Variants in LRP1B observed in about 807,000 individuals in gnomAD.
LRP1B encodes low-density lipoprotein receptor-related protein 1B.
In LRP1B, 217 loss-of-function variants were observed where a neutral mutation model predicts 556.6. That is an observed-to-expected ratio of 0.39 (90% CI 0.35 to 0.44). LRP1B has a LOEUF of 0.44. LRP1B is among the 20% of genes least tolerant of loss of function. The probability of loss-of-function intolerance (pLI) is 1.00; values close to 1 mark genes in which losing one functional copy is unlikely to be tolerated. For missense variants in LRP1B, 5,053 were observed against 5,620.8 expected (o/e 0.90, Z 3.23); for synonymous variants, 2,047 against 1,865.8 (o/e 1.10, Z -2.50).
intron 1 of LRP1B, among the ~76,000 whole-genome samples, chr2:141,951,883 G>A (rs1016014952): frequency 2.0e-5 from 3 of 151,962 alleles, no homozygotes; most frequent in Admixed American, 2.0e-4. Context: ...TAGGGTACAT[G>A]TGTACAACGT....
At chr2:141,115,474 T>TTTTTGA (rs1574088122) in intron 7 of LRP1B, among the ~76,000 whole-genome samples, 1 of 149,690 alleles carries the variant, frequency 6.7e-6, no homozygotes, top group Non-Finnish European at 1.5e-5. Flanking sequence ...TTTTTTTTTT[T>TTTTTGA]GAGATGGATT....
chr2:140,506,803 C>T lies in LRP1B; in HGVS notation c.8514G>A (p.Pro2838=), dbSNP rs139084384. The part of the protein sequence containing the change: ...DDCGDGSDES[P]QCGYRQCGTE... ...AGTTTTAGATGTACTTACCACACTG[C>T]GGTGACTCATCAGAGCCATCTCCAC... The change falls in exon 53 of 91, where the codon CCG becomes CCA. Residue 2838 remains proline, a synonymous_variant. Transcript: ENST00000389484. 8.3e-4 allele frequency: 1,345 copies of T among 1,612,788 alleles called. 8 individuals are homozygous for T. In the African/African-American group the frequency reaches 0.016, roughly 20 times the overall value.
intron 6 of LRP1B, among the ~76,000 whole-genome samples, chr2:141,221,277 G>A (rs942223768): frequency 1.3e-4 from 12 of 93,066 alleles, no homozygotes; most frequent in Admixed American, 4.4e-4. Flanking sequence ...AGCAGACTAA[G>A]CCAACAAAGA....
At chr2:140,733,633 C>T (rs1687849962) in intron 35 of LRP1B, among the ~76,000 whole-genome samples, 1 of 151,974 alleles carries the variant, frequency 6.6e-6, no homozygotes, top group Non-Finnish European at 1.5e-5. Flanking sequence ...TCATGTAATT[C>T]CATTTATATA....
chr2:140,583,593 T>C (rs997686866), intron 43 of LRP1B, among the ~76,000 whole-genome samples: 2 of 152,130 alleles, frequency 1.3e-5, no homozygotes, highest in African/African-American at 4.8e-5. Context: ...AATTATGCAA[T>C]AATTAAGGTC....
At chr2:141,098,598 C>A (rs1422860483) in intron 7 of LRP1B, among the ~76,000 whole-genome samples, 3 of 152,120 alleles carry the variant, frequency 2.0e-5, no homozygotes, top group Non-Finnish European at 4.4e-5. Flanking sequence ...GTTCAGTGGT[C>A]TATGATGATT....
chr2:140,617,116 C>T (rs868810833), intron 41 of LRP1B, among the ~76,000 whole-genome samples: 18 of 151,864 alleles, frequency 1.2e-4, no homozygotes, highest in Middle Eastern at 3.2e-3. Flanking sequence ...ACTAAGTGCT[C>T]AGTACTATTT....
chr2:140,355,821 T>C (rs1347163111), intron 75 of LRP1B, among the ~76,000 whole-genome samples: 2 of 151,900 alleles, frequency 1.3e-5, no homozygotes, highest in African/African-American at 4.8e-5. Context: ...CTATCCTACA[T>C]GCTCAATTTT....
chr2:141,214,344 G>C (rs1286061638), intron 6 of LRP1B, among the ~76,000 whole-genome samples: 2 of 152,118 alleles, frequency 1.3e-5, no homozygotes, highest in Non-Finnish European at 2.9e-5. Context: ...TTTCTCAAAG[G>C]CTGAGAGATA....
chr2:141,869,367 T>TAA (rs1698511297), intron 1 of LRP1B, among the ~76,000 whole-genome samples: 1 of 151,980 alleles, frequency 6.6e-6, no homozygotes, highest in Non-Finnish European at 1.5e-5. Context: ...TTCTCTACAA[T>TAA]AAATATTCAA....
chr2:140,682,941 C>T (rs1685914852), intron 41 of LRP1B, among the ~76,000 whole-genome samples: 1 of 152,122 alleles, frequency 6.6e-6, no homozygotes. Context: ...ATATCTGAAT[C>T]TGAGTAGCTC....
At chr2:141,254,165 GC>G (rs1684373804) in intron 4 of LRP1B, among the ~76,000 whole-genome samples, 1 of 152,020 alleles carries the variant, frequency 6.6e-6, no homozygotes, top group Non-Finnish European at 1.5e-5. Context: ...TACATGATTA[GC>G]AATTATTAAC....
chr2:141,238,021 A>G (rs1346250372), intron 5 of LRP1B, among the ~76,000 whole-genome samples: 3 of 152,206 alleles, frequency 2.0e-5, no homozygotes, highest in Non-Finnish European at 2.9e-5. Flanking sequence ...GAAATAAATA[A>G]TGCAGTTATT....
At chr2:142,080,679 T>C (rs1327834089) in intron 1 of LRP1B, among the ~76,000 whole-genome samples, 1 of 152,174 alleles carries the variant, frequency 6.6e-6, no homozygotes, top group Non-Finnish European at 1.5e-5. Flanking sequence ...AATGATCAGA[T>C]TCATGAAAAA....
At chr2:141,268,691 G>A (rs2714202) in intron 3 of LRP1B, among the ~76,000 whole-genome samples, 146,311 of 152,180 alleles carry the variant, frequency 0.96, 70,588 homozygotes, top group East Asian at 1. Flanking sequence ...GGTTGAAATG[G>A]GAAGTTACAC....
intron 1 of LRP1B, among the ~76,000 whole-genome samples, chr2:141,911,342 C>A (rs1699903128): frequency 6.6e-6 from 1 of 152,092 alleles, no homozygotes; most frequent in South Asian, 2.1e-4. Context: ...ATAAAATTAT[C>A]TTTCTTGAAA....
intron 5 of LRP1B, among the ~76,000 whole-genome samples, chr2:141,241,405 A>G (rs1683872650): frequency 6.6e-6 from 1 of 152,054 alleles, no homozygotes; most frequent in East Asian, 1.9e-4. Flanking sequence ...CACAGCTTTT[A>G]CTAGGATTGT....
chr2:140,906,972 T>TAAAA lies in LRP1B; in HGVS notation c.3520+901_3520+904dup, dbSNP rs398060601. 2.6e-3 allele frequency among the ~76,000 whole-genome samples: 371 copies of TAAAA among 142,764 alleles called. 1 individual carries two copies. The highest frequency in any genetic ancestry group is 8.3e-3 in the African/African-American group (322 of 38,694). The allele number at this position is 142,764 out of a possible 152,430, so 93.7% of individuals were successfully genotyped here. ...AAAAAAGACATTTTACCACATATGG[T>TAAAA]AAAAAAAAAAAAAACTTCCTTTTTT... On this transcript the variant is annotated intron_variant, in intron 22 of 90. Transcript: ENST00000389484.
At chr2:140,808,444 C>A (rs1376774428) in intron 32 of LRP1B, among the ~76,000 whole-genome samples, 1 of 152,230 alleles carries the variant, frequency 6.6e-6, no homozygotes, top group South Asian at 2.1e-4. Flanking sequence ...CTTCAATCTT[C>A]TCTCACTGTC....
Sources: allele counts gnomAD v4.1 joint callset (sites outside exome capture counted in the v4.1 genomes callset), GRCh38; gene constraint gnomAD v4.1.1; transcripts MANE v1.5; gene names NCBI Gene and HGNC (gene_info 2026-07-23, HGNC 2026-07-21).